The following COL9A1 variants were observed in gnomAD, a reference collection of about 807,000 sequenced individuals.
COL9A1 encodes collagen alpha-1(IX) chain.
COL9A1 carries 104 observed loss-of-function variants against 142.6 expected under a neutral mutation model. The ratio of observed to expected loss-of-function variants is 0.73; its 90% CI spans 0.62 to 0.86. The LOEUF is 0.86. Ranked by LOEUF, COL9A1 falls within the 40% of genes least tolerant of loss-of-function variation. The pLI, the probability that COL9A1 is intolerant of heterozygous loss-of-function variation, is 0.00. For missense variants in COL9A1, 1,210 were observed against 1,176.6 expected (o/e 1.03, Z -0.42); for synonymous variants, 466 against 396.0 (o/e 1.18, Z -2.10).
Position 70,252,298 on chromosome 6 carries a change from T to A in COL9A1, c.1782A>T (p.Pro594=). The A allele has an allele frequency of 6.2e-7, 1 of 1,614,176 alleles. No homozygotes were observed. The highest frequency in any genetic ancestry group is 8.5e-7 in the Non-Finnish European group (1 of 1,179,992). ...AATTTCCCATCTGACCAGGCTTCCC[T>A]GGAGCACCTGTGCTACCCTAAGGGT... The part of the protein sequence containing the change: ...VAGEKGSTGA[P]GKPGQMGNSG... The change falls in exon 27 of 38, where the codon CCA becomes CCT. Residue 594 remains proline (P), a synonymous_variant. Transcript: ENST00000357250.
intron 9 of COL9A1, 62 bp downstream of exon 9, chr6:70,280,942 A>C: frequency 6.8e-6 from 11 of 1,612,766 alleles, no homozygotes; most frequent in Non-Finnish European, 9.3e-6. Context: ...CTTCAGAAAC[A>C]GGGGGCTGCA....
intron 10 of COL9A1, among the ~76,000 whole-genome samples, chr6:70,277,144 T>G (rs1772813569): frequency 6.6e-6 from 1 of 152,212 alleles, no homozygotes; most frequent in South Asian, 2.1e-4. Flanking sequence ...TTCTTATACT[T>G]TATTCTAATT....
intron 16 of COL9A1, among the ~76,000 whole-genome samples, 168 bp from the exon 17 acceptor site, chr6:70,269,028 T>G (rs1772224858): frequency 2.0e-5 from 3 of 152,216 alleles, no homozygotes; most frequent in African/African-American, 7.2e-5. Context: ...TTATTATTAT[T>G]TCACATTTAA....
intron 28 of COL9A1, among the ~76,000 whole-genome samples, chr6:70,243,773 C>T (rs1770422286): frequency 6.6e-6 from 1 of 152,198 alleles, no homozygotes; most frequent in Non-Finnish European, 1.5e-5. Context: ...GGTGATCCGC[C>T]CGCCTTGGCC....
Position 70,232,769 on chromosome 6 carries a change from G to A in COL9A1, c.2317C>T (p.His773Tyr). The change falls in exon 36 of 38, where the codon CAT becomes TAT. Residue 773 changes from histidine (H) to tyrosine (Y), a missense_variant and splice_region_variant. Transcript: ENST00000357250. ...AGACTGGCAGCCATCTCAGCAAAAT[G>A]TTCTAAAAGAGAATAAACAAAACAA... Reference protein sequence around the residue: ...KQVCMRVIQEHFAEMAASLKR... With the variant: ...KQVCMRVIQEYFAEMAASLKR... 1.9e-6 allele frequency: 3 copies of A among 1,610,794 alleles called. No homozygotes were observed. Among genetic ancestry groups the A allele is most frequent in the Non-Finnish European group, 1.7e-6 (2 of 1,178,214 alleles).
At chr6:70,282,726 T>G (rs1050621413) in intron 7 of COL9A1, among the ~76,000 whole-genome samples, 172 bp downstream of exon 7, 1 of 152,164 alleles carries the variant, frequency 6.6e-6, no homozygotes, top group African/African-American at 2.4e-5. Context: ...AGGGGTCATC[T>G]ACGGCTCTGG....
intron 37 of COL9A1, among the ~76,000 whole-genome samples, chr6:70,218,407 A>G (rs966143465): frequency 6.6e-6 from 1 of 152,220 alleles, no homozygotes; most frequent in African/African-American, 2.4e-5. Context: ...TCTGAGGCAC[A>G]GCACCCCATA....
chr6:70,281,281 G>T, intron 8 of COL9A1, 109 bp downstream of exon 8: 1 of 1,067,842 alleles, frequency 9.4e-7, no homozygotes, highest in Non-Finnish European at 1.4e-6. Context: ...GGCAGGAAGG[G>T]GAGACCCTGG....
chr6:70,282,810 G>C, intron 7 of COL9A1, 88 bp downstream of exon 7: 2 of 1,594,826 alleles, frequency 1.3e-6, no homozygotes, highest in South Asian at 2.2e-5. Flanking sequence ...GATGCTCCGC[G>C]CCTTTCTCAC....
chr6:70,271,869 C>A (rs953277959), intron 13 of COL9A1, among the ~76,000 whole-genome samples, 161 bp from the exon 14 acceptor site: 2 of 152,162 alleles, frequency 1.3e-5, no homozygotes, highest in African/African-American at 4.8e-5. Flanking sequence ...ACTTAAGATA[C>A]AGCAGAAATT....
In COL9A1 at chr6:70,255,200, C is replaced by G. The variant is rs1402008313; in HGVS notation, c.1561G>C (p.Ala521Pro). 41 of 1,613,972 alleles carry G rather than the reference C, an allele frequency of 2.5e-5. No individual in the cohort carries two copies. Among genetic ancestry groups the G allele is most frequent in the Non-Finnish European group, 3.1e-5 (36 of 1,179,984 alleles). The change falls in exon 23 of 38, where the codon GCT becomes CCT. Residue 521 changes from alanine to proline, a missense_variant. Physicochemically the swap from Ala to Pro is conservative, Grantham distance 27. Transcript: ENST00000357250. ...GEAGPKGDRG[A>P]EGARGIPGLP... ...CCAGGAATTCCTCTAGCACCTTCAG[C>G]CCCCTGCAGGGAGGAAGAGAAAGAA...
In COL9A1 at chr6:70,241,740, C is replaced by A. The variant is rs73749921; in HGVS notation, c.1998+224G>T. Among the ~76,000 whole-genome samples the A allele has an allele frequency of 0.068, 10,307 of 152,214 alleles. 365 individuals carry two copies. Among genetic ancestry groups the A allele is most frequent in the African/African-American group, 0.082 (3,389 of 41,540 alleles). ...GGCTAAGTAGAAAGTGTGATTACAA[C>A]GGACATTTTTACTTTTCTCAGCTTT... On this transcript the variant is annotated intron_variant, in intron 30 of 37. Transcript: ENST00000357250.
At chr6:70,215,920 C>A (rs1398878032), downstream of COL9A1, 3 of 151,708 alleles carry the variant, frequency 2.0e-5, no homozygotes, top group East Asian at 1.9e-4. Flanking sequence ...AAAACACACA[C>A]ACACACACAC....
intron 34 of COL9A1, 46 bp from the exon 35 acceptor site, chr6:70,234,639 A>T: frequency 6.2e-7 from 1 of 1,611,978 alleles, no homozygotes; most frequent in Admixed American, 1.7e-5. Context: ...GAAACCATAA[A>T]GAGAACATTG....
intron 36 of COL9A1, among the ~76,000 whole-genome samples, chr6:70,228,578 G>A (rs546891343): frequency 6.6e-6 from 1 of 152,094 alleles, no homozygotes; most frequent in African/African-American, 2.4e-5. Context: ...TAAAAACAAA[G>A]TCATGTACAC....
At chr6:70,262,609 A>T (rs1348419698) in intron 19 of COL9A1, among the ~76,000 whole-genome samples, 1 of 152,186 alleles carries the variant, frequency 6.6e-6, no homozygotes, top group Non-Finnish European at 1.5e-5. Flanking sequence ...CAAAATTGTC[A>T]TTACTCATTT....
At chr6:70,271,526 A>G in intron 14 of COL9A1, 129 bp downstream of exon 14, 1 of 769,634 alleles carries the variant, frequency 1.3e-6, no homozygotes, top group Non-Finnish European at 2.3e-6. Context: ...AATATTATAA[A>G]CTGGAATGAA....
rs142539130 is a variant in COL9A1 at position 70,255,341 on chromosome 6, T to A, written c.1553A>T (p.Asp518Val). The change falls in exon 22 of 38, where the codon GAT (aspartate) becomes GTT (valine). Residue 518 changes from aspartate to valine, a missense_variant. Physicochemically the swap from Asp to Val is radical, Grantham distance 152. Transcript: ENST00000357250. ...AGTGACTGAATTTAAACTCACTCTATCTCCTTTGGGACCTGCTTCTCCTGG... is the reference window on the plus strand; with the variant it reads ...AGTGACTGAATTTAAACTCACTCTAACTCCTTTGGGACCTGCTTCTCCTGG... ...GPPGEAGPKGDRGAEGARGIP... is the reference protein window; with the variant it reads ...GPPGEAGPKGVRGAEGARGIP... 2.6e-4 allele frequency: 421 copies of A among 1,614,056 alleles called. No homozygotes were observed. The highest frequency in any genetic ancestry group is 3.4e-4 in the Non-Finnish European group (403 of 1,179,988).
At chr6:70,233,741 G>C (rs1769706761) in intron 35 of COL9A1, among the ~76,000 whole-genome samples, 1 of 152,180 alleles carries the variant, frequency 6.6e-6, no homozygotes, top group Admixed American at 6.5e-5. Context: ...AAATATAGAA[G>C]TGAATGTTTC....
Sources: allele counts gnomAD v4.1 joint callset (sites outside exome capture counted in the v4.1 genomes callset), GRCh38; gene constraint gnomAD v4.1.1; transcripts MANE v1.5; gene names NCBI Gene and HGNC (gene_info 2026-07-23, HGNC 2026-07-21).